Variants in ARHGAP15 observed in about 807,000 individuals in gnomAD.
ARHGAP15 encodes rho GTPase-activating protein 15.
A neutral mutation model predicts 63.7 loss-of-function variants in ARHGAP15; 51 were observed. The ratio of observed to expected loss-of-function variants is 0.80; its 90% CI spans 0.64 to 1.01. ARHGAP15 has a LOEUF of 1.01. Among genes scored for constraint, ARHGAP15 ranks in the 50% least tolerant of loss-of-function variants. The pLI is 0.00. For missense variants in ARHGAP15, 560 were observed against 564.6 expected (o/e 0.99, Z 0.08); for synonymous variants, 191 against 193.8 (o/e 0.99, Z 0.12).
chr2:143,585,847 C>A (rs1412669425), intron 11 of ARHGAP15, among the ~76,000 whole-genome samples: 1 of 152,016 alleles, frequency 6.6e-6, no homozygotes, highest in Non-Finnish European at 1.5e-5. Context: ...CTATGCTGCA[C>A]AGGAAATATG....
chr2:143,707,637 T>A (rs1418593072), intron 13 of ARHGAP15, among the ~76,000 whole-genome samples: 1 of 152,194 alleles, frequency 6.6e-6, no homozygotes, highest in Non-Finnish European at 1.5e-5. Context: ...ACCAGTCACA[T>A]AGAGGTGAAA....
chr2:143,199,883 A>G (rs1436373695), intron 2 of ARHGAP15, among the ~76,000 whole-genome samples: 1 of 152,030 alleles, frequency 6.6e-6, no homozygotes, highest in Non-Finnish European at 1.5e-5. Flanking sequence ...CTCTCTCCAT[A>G]AAGCTCAGGT....
At chr2:143,169,853 G>A (rs566573807) in intron 2 of ARHGAP15, among the ~76,000 whole-genome samples, 33 of 152,040 alleles carry the variant, frequency 2.2e-4, no homozygotes, top group African/African-American at 7.0e-4. Context: ...CATGATACAG[G>A]TTCAATAATC....
chr2:143,332,313 G>A (rs1002922163), intron 6 of ARHGAP15, among the ~76,000 whole-genome samples: 1 of 151,906 alleles, frequency 6.6e-6, no homozygotes, highest in Non-Finnish European at 1.5e-5. Context: ...CAGTCTTCCT[G>A]GGGTCGTCTC....
chr2:143,665,158 A>C (rs1227536449), intron 12 of ARHGAP15, among the ~76,000 whole-genome samples: 1 of 150,154 alleles, frequency 6.7e-6, no homozygotes, highest in African/African-American at 2.4e-5. Context: ...CATTGATGCA[A>C]AAATCCTCAA....
chr2:143,503,882 A>G (rs1693184368), intron 9 of ARHGAP15, among the ~76,000 whole-genome samples: 2 of 152,200 alleles, frequency 1.3e-5, no homozygotes, highest in African/African-American at 4.8e-5. Context: ...AAGCTACACA[A>G]AGCAAGGTCC....
intron 11 of ARHGAP15, among the ~76,000 whole-genome samples, chr2:143,582,216 G>A (rs771764089): frequency 6.6e-6 from 1 of 152,118 alleles, no homozygotes; most frequent in Non-Finnish European, 1.5e-5. Context: ...GAGGCAAAAG[G>A]GTGTGTTTTT....
At chr2:143,215,465 T>A (rs996146051) in intron 3 of ARHGAP15, among the ~76,000 whole-genome samples, 1 of 152,112 alleles carries the variant, frequency 6.6e-6, no homozygotes, top group African/African-American at 2.4e-5. Context: ...GATGAAGACA[T>A]GGTCATGGTG....
chr2:143,437,022 C>T lies in ARHGAP15; in HGVS notation c.683C>T (p.Pro228Leu), dbSNP rs1328959069. The T allele has an allele frequency of 1.2e-6, 2 of 1,601,788 alleles. No individual in the cohort carries two copies. The highest frequency in any genetic ancestry group is 1.7e-6 in the Non-Finnish European group (2 of 1,176,806). ...GACAGTGATATAAAAGAACAGAAAC[C>T]AGAGCACAGAAAATCTTTAAGTGAG... is the stretch of plus-strand genomic sequence containing the variant. ...HYDSDIKEQK[P>L]EHRKSLMFRL... is the part of the protein sequence containing the mutation. The change falls in exon 8 of 14, where the codon CCA (proline) becomes CTA (leucine). Residue 228 changes from proline (P) to leucine (L), a missense_variant. Pro to Leu is a moderately conservative substitution (Grantham distance 98). Transcript: ENST00000295095.
chr2:143,213,429 C>T (rs566444337), intron 3 of ARHGAP15, among the ~76,000 whole-genome samples: 110 of 152,280 alleles, frequency 7.2e-4, no homozygotes, highest in African/African-American at 2.5e-3. Context: ...AGGAGAATCA[C>T]TTTAACCCAG....
chr2:143,227,639 G>A (rs1043631467), intron 4 of ARHGAP15, among the ~76,000 whole-genome samples: 2 of 152,126 alleles, frequency 1.3e-5, no homozygotes, highest in African/African-American at 4.8e-5. Context: ...TATAAACTAC[G>A]TGTATTATGG....
intron 13 of ARHGAP15, among the ~76,000 whole-genome samples, chr2:143,716,637 G>A (rs1236927670): frequency 6.6e-6 from 1 of 152,240 alleles, no homozygotes; most frequent in African/African-American, 2.4e-5. Context: ...TTGTTTTATG[G>A]AGCAAACTTC....
intron 6 of ARHGAP15, among the ~76,000 whole-genome samples, chr2:143,374,067 T>A (rs1558928586): frequency 6.6e-6 from 1 of 152,196 alleles, no homozygotes; most frequent in South Asian, 2.1e-4. Context: ...ACAATTATTC[T>A]GTTACTCACA....
intron 6 of ARHGAP15, among the ~76,000 whole-genome samples, chr2:143,375,293 G>T (rs957748374): frequency 5.3e-5 from 8 of 152,018 alleles, no homozygotes; most frequent in Non-Finnish European, 8.8e-5. Context: ...AATGTCATTG[G>T]CCTCCCCTCC....
rs576515224 is a variant in ARHGAP15, at chr2:143,657,341, C to T, written c.1138+33074C>T. The stretch of plus-strand genomic sequence containing the variant: ...CAGCCTGGGCAACAGAGTGAGGCTC[C>T]GCATCTTAAAAACAAAACAAAACAA... On this transcript the variant is annotated intron_variant, in intron 12 of 13. Coordinates refer to ENST00000295095, the MANE Select transcript of ARHGAP15 (RefSeq NM_018460.4). Among the ~76,000 whole-genome samples the T allele has an allele frequency of 1.3e-4, 20 of 152,182 alleles. No homozygotes were observed. In the East Asian group the frequency reaches 2.1e-3, roughly 16 times the overall value.
At chr2:143,643,610 A>G (rs1209596091) in intron 12 of ARHGAP15, among the ~76,000 whole-genome samples, 1 of 152,070 alleles carries the variant, frequency 6.6e-6, no homozygotes, top group Non-Finnish European at 1.5e-5. Flanking sequence ...CCAGGTTATT[A>G]ATATGCAGGC....
intron 6 of ARHGAP15, among the ~76,000 whole-genome samples, chr2:143,337,247 CAGA>C (rs1374466402): frequency 1.3e-5 from 2 of 150,704 alleles, no homozygotes; most frequent in East Asian, 2.0e-4. Flanking sequence ...AGAGAAAGAG[CAGA>C]AGAAGGTAGC....
intron 12 of ARHGAP15, among the ~76,000 whole-genome samples, chr2:143,640,064 G>C (rs967355273): frequency 9.9e-5 from 15 of 152,028 alleles, no homozygotes; most frequent in African/African-American, 2.9e-4. Flanking sequence ...ACAAAACTGG[G>C]TATAAATTGT....
At chr2:143,464,597 T>C (rs1314995314) in intron 8 of ARHGAP15, among the ~76,000 whole-genome samples, 2 of 152,168 alleles carry the variant, frequency 1.3e-5, no homozygotes, top group Non-Finnish European at 1.5e-5. Context: ...GACAGAAATT[T>C]CTATGACAAA....
Sources: allele counts gnomAD v4.1 joint callset (sites outside exome capture counted in the v4.1 genomes callset), GRCh38; gene constraint gnomAD v4.1.1; transcripts MANE v1.5; gene names NCBI Gene and HGNC (gene_info 2026-07-23, HGNC 2026-07-21).